The following FGF13 variants were observed in gnomAD, a reference collection of about 807,000 sequenced individuals.
The protein encoded by FGF13 is fibroblast growth factor 13.
Under a neutral mutation model 19.5 loss-of-function variants are expected in FGF13, and 2 were observed. The observed-to-expected ratio is 0.10, with a 90% CI of 0.04 to 0.32. FGF13 has a LOEUF of 0.32. Among genes scored for constraint, FGF13 ranks in the 10% least tolerant of loss-of-function variants. The pLI is 1.00. For synonymous variants in FGF13, 72 were observed against 76.9 expected (o/e 0.94, Z 0.33); for missense variants, 113 against 192.7 (o/e 0.59, Z 2.45).
intron 3 of FGF13, among the ~76,000 whole-genome samples, chrX:138,701,901 G>C (rs1295942468): frequency 1.8e-5 from 2 of 112,752 alleles, no homozygotes; most frequent in African/African-American, 6.4e-5. Flanking sequence ...AGACTTGCTA[G>C]TAAGAAGTTC....
At chrX:138,777,993 C>T (rs1387554980) in intron 3 of FGF13, among the ~76,000 whole-genome samples, 1 of 111,400 alleles carries the variant, frequency 9.0e-6, no homozygotes, top group African/African-American at 3.3e-5. Flanking sequence ...GATTTTAAAG[C>T]AGCTATCATA....
At chrX:138,855,077 G>A (rs761241846), downstream of FGF13, among the ~76,000 whole-genome samples, 10 of 110,611 alleles carry the variant, frequency 9.0e-5, no homozygotes, top group South Asian at 3.8e-3. Flanking sequence ...AGAGGGAACC[G>A]AACACTATAA....
intron 1 of FGF13, among the ~76,000 whole-genome samples, chrX:138,938,376 A>C (rs2091742125): frequency 8.9e-6 from 1 of 112,003 alleles, no homozygotes; most frequent in African/African-American, 3.2e-5. Flanking sequence ...TCCTTCTTCC[A>C]GCTTTTGGGG....
intron 3 of FGF13, among the ~76,000 whole-genome samples, chrX:138,687,460 C>A (rs2089794540): frequency 8.9e-6 from 1 of 112,003 alleles, no homozygotes; most frequent in Non-Finnish European, 1.9e-5. Flanking sequence ...GATAGCATCT[C>A]AACTCTGTTA....
chrX:139,118,548 T>C (rs967319719), intron 1 of FGF13, among the ~76,000 whole-genome samples: 5 of 111,856 alleles, frequency 4.5e-5, no homozygotes, highest in Non-Finnish European at 7.5e-5. Context: ...AGAACCTTAC[T>C]GTAACCCTTT....
intron 1 of FGF13, among the ~76,000 whole-genome samples, chrX:139,104,844 C>T (rs1241595244): frequency 2.7e-5 from 3 of 110,870 alleles, no homozygotes; most frequent in African/African-American, 9.9e-5. Context: ...CCAAATGCCT[C>T]ACTTCCTAAT....
intron 3 of FGF13, among the ~76,000 whole-genome samples, chrX:138,814,953 G>T (rs757185147): frequency 9.0e-6 from 1 of 111,563 alleles, no homozygotes; most frequent in African/African-American, 3.2e-5. Context: ...GTCCATCAGT[G>T]GGTGAATGGA....
At chrX:139,022,129 G>T (rs920692691) in intron 1 of FGF13, among the ~76,000 whole-genome samples, 1 of 111,518 alleles carries the variant, frequency 9.0e-6, no homozygotes, top group Non-Finnish European at 1.9e-5. Context: ...GCCAGGTAAG[G>T]ATGGGACAGG....
At chrX:138,641,865 A>C (rs2089254685) in intron 3 of FGF13, among the ~76,000 whole-genome samples, 1 of 112,006 alleles carries the variant, frequency 8.9e-6, no homozygotes, top group Non-Finnish European at 1.9e-5. Flanking sequence ...GCTCACTCAA[A>C]TATCTGCTGG....
intron 1 of FGF13, among the ~76,000 whole-genome samples, chrX:139,071,125 T>C (rs192246754): frequency 9.0e-6 from 1 of 111,455 alleles, no homozygotes; most frequent in Non-Finnish European, 1.9e-5. Context: ...ATTTAAAGTA[T>C]AATAATAATA....
At chrX:138,655,742 A>T (rs1288737704) in intron 3 of FGF13, among the ~76,000 whole-genome samples, 1 of 111,514 alleles carries the variant, frequency 9.0e-6, no homozygotes, top group African/African-American at 3.3e-5. Flanking sequence ...AATAATTTTA[A>T]TTAATATTAA....
At chrX:138,871,626 T>G (rs1307864716) in intron 1 of FGF13, among the ~76,000 whole-genome samples, 1 of 112,053 alleles carries the variant, frequency 8.9e-6, no homozygotes, top group Admixed American at 9.5e-5. Flanking sequence ...AATATAGAAG[T>G]CCTCACTAAG....
chrX:138,963,029 C>G (rs988869630), intron 1 of FGF13, among the ~76,000 whole-genome samples: 5 of 112,156 alleles, frequency 4.5e-5, no homozygotes, highest in African/African-American at 1.6e-4. Flanking sequence ...GTGCAGCCAT[C>G]AGAAATAGAA....
intron 1 of FGF13, among the ~76,000 whole-genome samples, chrX:139,077,298 C>T (rs759374682): frequency 1.8e-5 from 2 of 111,956 alleles, no homozygotes; most frequent in South Asian, 7.5e-4. Flanking sequence ...ATAAAGATTA[C>T]CAGTGAAGTG....
chrX:139,165,512 A>G (rs1182400986), intron 1 of FGF13, among the ~76,000 whole-genome samples: 2 of 111,470 alleles, frequency 1.8e-5, no homozygotes, highest in Non-Finnish European at 3.8e-5. Context: ...AAAAATCCCG[A>G]AAGCACTTTG....
intron 1 of FGF13, among the ~76,000 whole-genome samples, chrX:139,005,481 A>G (rs1178507235): frequency 9.1e-6 from 1 of 110,096 alleles, no homozygotes; most frequent in Non-Finnish European, 1.9e-5. Flanking sequence ...AGCCCAGACT[A>G]TAAAGACTAG....
At chrX:138,668,221 A>G (rs2124166163) in intron 3 of FGF13, among the ~76,000 whole-genome samples, 1 of 111,264 alleles carries the variant, frequency 9.0e-6, no homozygotes, top group South Asian at 3.8e-4. Context: ...TACTACTATT[A>G]CCTCCATTTT....
chrX:138,811,600 T>A (rs1261633277), intron 3 of FGF13, among the ~76,000 whole-genome samples: 3 of 110,437 alleles, frequency 2.7e-5, no homozygotes, highest in Non-Finnish European at 5.7e-5. Flanking sequence ...ATAATAATAA[T>A]AAAAAAGAAT....
chrX:138,811,554 C>T (rs1483326782), intron 3 of FGF13, among the ~76,000 whole-genome samples: 2 of 110,606 alleles, frequency 1.8e-5, no homozygotes, highest in African/African-American at 6.6e-5. Flanking sequence ...TGTAACAAAC[C>T]TGCACATTGT....
Sources: allele counts gnomAD v4.1 joint callset (sites outside exome capture counted in the v4.1 genomes callset), GRCh38; gene constraint gnomAD v4.1.1; transcripts MANE v1.5; gene names NCBI Gene and HGNC (gene_info 2026-07-23, HGNC 2026-07-21).